The following ENGASE variants were observed in gnomAD, a reference collection of about 807,000 sequenced individuals.
ENGASE encodes the protein cytosolic endo-beta-N-acetylglucosaminidase.
A neutral mutation model predicts 78.5 loss-of-function variants in ENGASE; 69 were observed. That is an observed-to-expected ratio of 0.88 (90% CI 0.72 to 1.07). The LOEUF (loss-of-function observed/expected upper bound fraction) is 1.07. Ranked by LOEUF, ENGASE falls within the 50% of genes least tolerant of loss-of-function variation. ENGASE has a pLI of 0.00. For synonymous variants in ENGASE, 408 were observed against 408.9 expected (o/e 1.00, Z 0.03); for missense variants, 943 against 988.4 (o/e 0.95, Z 0.62).
chr17:79,079,182 G>C (rs1457837866), intron 3 of ENGASE, among the ~76,000 whole-genome samples: 1 of 152,070 alleles, frequency 6.6e-6, no homozygotes, highest in Non-Finnish European at 1.5e-5. Context: ...TCTGTATTTT[G>C]AGACAGGGTC....
intron 1 of ENGASE, chr17:79,075,846 G>A (rs2145966034): frequency 3.0e-6 from 3 of 985,392 alleles, no homozygotes; most frequent in Non-Finnish European, 3.6e-6. Context: ...GGAGGAATGT[G>A]GAGATGGCTC....
chr17:79,075,690 G>T, intron 1 of ENGASE: 1 of 985,466 alleles, frequency 1.0e-6, no homozygotes, highest in Non-Finnish European at 1.2e-6. Flanking sequence ...GTAGGTTGCA[G>T]GGGGAGAAGT....
chr17:79,078,648 G>A (rs928401969), intron 3 of ENGASE, among the ~76,000 whole-genome samples: 7 of 152,228 alleles, frequency 4.6e-5, no homozygotes, highest in African/African-American at 1.4e-4. Context: ...CAAAGTTGCC[G>A]TGGAGTCCGC....
intron 11 of ENGASE, 150 bp downstream of exon 11, chr17:79,084,836 C>A: frequency 4.7e-6 from 4 of 850,456 alleles, no homozygotes; most frequent in Non-Finnish European, 7.4e-6. Flanking sequence ...AGCTTGTGGT[C>A]AAGGCCTGGA....
chr17:79,082,970 T>C, intron 7 of ENGASE, 50 bp from the exon 8 acceptor site: 1 of 1,596,970 alleles, frequency 6.3e-7, no homozygotes, highest in Non-Finnish European at 8.6e-7. Context: ...TCCAGGAGCC[T>C]GTCTGGACTC....
chr17:79,081,211 G>A, intron 6 of ENGASE, 138 bp downstream of exon 6: 3 of 1,179,536 alleles, frequency 2.5e-6, no homozygotes, highest in Non-Finnish European at 2.3e-6. Context: ...GTAAAAAGAG[G>A]GAGAAGGTGG....
In ENGASE at chr17:79,084,107, A is replaced by C; in HGVS notation, c.1442+156A>C. On this transcript the variant is annotated intron_variant, in intron 10 of 13. Transcript: ENST00000579016. ...TTGTGATCAAAAATGCATTAACGTGAAATTCACCATCTTGACCCTGTTGAA... is the reference window on the plus strand; with the variant it reads ...TTGTGATCAAAAATGCATTAACGTGCAATTCACCATCTTGACCCTGTTGAA... 5 of 656,474 alleles carry C rather than the reference A, an allele frequency of 7.6e-6. No individual in the cohort carries two copies. The South Asian group carries it at 7.7e-5, about 10-fold the overall frequency. 40.7% of individuals were successfully genotyped at this position (656,474 alleles called of 1,614,324 possible).
intron 3 of ENGASE, among the ~76,000 whole-genome samples, 166 bp downstream of exon 3, chr17:79,078,030 G>C (rs1464068536): frequency 2.0e-5 from 3 of 152,152 alleles, no homozygotes. Context: ...GCAGGCCCCA[G>C]TGTTTCATCT....
chr17:79,081,202 T>C, intron 6 of ENGASE, 129 bp downstream of exon 6: 1 of 1,233,258 alleles, frequency 8.1e-7, no homozygotes, highest in Non-Finnish European at 1.1e-6. Context: ...CTGCATTGGG[T>C]AAAAAGAGGG....
chr17:79,084,393 G>A (rs1410626436), intron 10 of ENGASE, 145 bp from the exon 11 acceptor site: 23 of 761,554 alleles, frequency 3.0e-5, no homozygotes, highest in Non-Finnish European at 3.9e-5. Context: ...CTTGTCCCCT[G>A]GCTACGGACA....
chr17:79,080,557 CTG>C (rs2073101749), intron 5 of ENGASE, among the ~76,000 whole-genome samples, 193 bp downstream of exon 5: 1 of 152,242 alleles, frequency 6.6e-6, no homozygotes, highest in Non-Finnish European at 1.5e-5. Flanking sequence ...TCTCCTCCGA[CTG>C]TTTCCAGCAA....
intron 5 of ENGASE, 144 bp downstream of exon 5, chr17:79,080,508 GC>G: frequency 1.1e-6 from 1 of 919,492 alleles, no homozygotes; most frequent in Non-Finnish European, 1.6e-6. Context: ...CCCAGGCAGT[GC>G]CAACTCTGAA....
In ENGASE at chr17:79,083,234, G is replaced by A; in HGVS notation, c.1142+111G>A. On this transcript the variant is annotated intron_variant, in intron 8 of 13. Transcript: ENST00000579016. This position sits in a 1 kb window ranked among gnomAD's most constrained non-coding sequence, Gnocchi z 4.9. ...TTAGTGACCCTTCCTATGGGGGGGT[G>A]GTTAAGGGAGGATGACAGGGGAGGA... 1.1e-6 allele frequency: 1 copy of A among 876,034 alleles called. No individual in the cohort carries two copies. Among genetic ancestry groups the A allele is most frequent in the Non-Finnish European group, 1.8e-6 (1 of 563,092 alleles). The allele number at this position is 876,034 out of a possible 1,614,324, so 54.3% of individuals were successfully genotyped here. A position where few individuals can be genotyped will look rare whatever the true frequency, so the allele number is the denominator to read the frequency against.
chr17:79,079,447 C>A (rs758741817), intron 3 of ENGASE, 42 bp from the exon 4 acceptor site: 1 of 1,594,010 alleles, frequency 6.3e-7, no homozygotes, highest in African/African-American at 1.4e-5. Context: ...GGAATAAAGG[C>A]ATGAGCTGCC....
Position 79,083,009 on chromosome 17 carries a change from TG to T in ENGASE, c.1039-10del. On this transcript the variant is annotated splice_polypyrimidine_tract_variant and intron_variant, in intron 7 of 13. Transcript: ENST00000579016. The surrounding 1 kb of genome is among the most constrained non-coding windows in gnomAD (Gnocchi z 4.9). Reference sequence around the variant, plus strand: ...TCCTGATGTGCCCAGCGTCTCCCTCTGTCTCTTCAGTCGTTGGAGCTGATCC... The same window carrying T: ...TCCTGATGTGCCCAGCGTCTCCCTCTTCTCTTCAGTCGTTGGAGCTGATCC... 1 of 1,612,982 alleles carries T rather than the reference TG, an allele frequency of 6.2e-7. No homozygotes were observed. Among genetic ancestry groups the T allele is most frequent in the Non-Finnish European group, 8.5e-7 (1 of 1,179,370 alleles).
chr17:79,087,784 A>G lies in ENGASE; in HGVS notation c.*1435A>G, dbSNP rs1231536302. 1 of 152,188 alleles carries G rather than the reference A, an allele frequency of 6.6e-6. No individual in the cohort carries two copies. The highest frequency in any genetic ancestry group is 1.5e-5 in the Non-Finnish European group (1 of 68,090). The allele number at this position is 152,188 out of a possible 1,614,324, so 9.4% of individuals were successfully genotyped here. On this transcript the variant is annotated 3_prime_UTR_variant, in exon 14 of 14. Coordinates refer to ENST00000579016, the MANE Select transcript of ENGASE (RefSeq NM_001042573.3). ...GAGGCCACCAGGTGGCAGCACAGCCACACCCGTTCCCACGTCAGAGGAGGG... is the reference window on the plus strand; with the variant it reads ...GAGGCCACCAGGTGGCAGCACAGCCGCACCCGTTCCCACGTCAGAGGAGGG...
intron 6 of ENGASE, 125 bp downstream of exon 6, chr17:79,081,198 T>C: frequency 7.9e-7 from 1 of 1,258,540 alleles, no homozygotes; most frequent in South Asian, 1.6e-5. Flanking sequence ...ATGACTGCAT[T>C]GGGTAAAAAG....
At position 79,083,772 on chromosome 17, in the gene ENGASE, A is replaced by G. The variant is rs61729127; in HGVS notation, c.1263A>G (p.Val421=). The G allele has an allele frequency of 0.014, 22,439 of 1,608,984 alleles. 2,327 individuals carry two copies. In the African/African-American group the frequency reaches 0.24, roughly 17 times the overall value. The change falls in exon 10 of 14, where the codon GTA becomes GTG. Residue 421 remains valine, a synonymous_variant. Coordinates refer to ENST00000579016, the MANE Select transcript of ENGASE (RefSeq NM_001042573.3). The surrounding 1 kb of genome is among the most constrained non-coding windows in gnomAD (Gnocchi z 4.9). ...GCCCTTTTCTTCAGGAAGAGGCGGT[A>G]GGGCCCTGGTACCACCTGAGCGCCC... ...RRVCYGQEEA[V]GPWYHLSAQE...
intron 3 of ENGASE, 140 bp downstream of exon 3, chr17:79,078,004 T>A: frequency 1.2e-6 from 1 of 826,894 alleles, no homozygotes; most frequent in Non-Finnish European, 1.8e-6. Context: ...GGGATGGCAC[T>A]AACTGCGAGA....
Sources: allele counts gnomAD v4.1 joint callset (sites outside exome capture counted in the v4.1 genomes callset), GRCh38; gene constraint gnomAD v4.1.1; non-coding constraint Gnocchi (gnomAD v3.1); transcripts MANE v1.5; gene names NCBI Gene and HGNC (gene_info 2026-07-23, HGNC 2026-07-21).